The following CSMD1 variants were observed in gnomAD, a reference collection of about 807,000 sequenced individuals.
CSMD1 encodes CUB and Sushi multiple domains 1.
In CSMD1, 213 loss-of-function variants were observed where a neutral mutation model predicts 417.5. That is an observed-to-expected ratio of 0.51 (90% CI 0.46 to 0.57). The LOEUF is 0.57. Ranked by LOEUF, CSMD1 falls within the 20% of genes least tolerant of loss-of-function variation. The pLI, the probability that CSMD1 is intolerant of heterozygous loss-of-function variation, is 0.00. For missense variants in CSMD1, 6,923 were observed against 4,529.7 expected (o/e 1.53, Z -15.17); for synonymous variants, 2,862 against 1,736.8 (o/e 1.65, Z -16.11).
At chr8:4,835,231 T>A (rs1347181062) in intron 1 of CSMD1, among the ~76,000 whole-genome samples, 1 of 151,976 alleles carries the variant, frequency 6.6e-6, no homozygotes, top group African/African-American at 2.4e-5. Flanking sequence ...AGATAAATGA[T>A]TGAATTGCAA....
intron 1 of CSMD1, among the ~76,000 whole-genome samples, chr8:4,934,685 T>C (rs1470491539): frequency 6.6e-6 from 1 of 152,214 alleles, no homozygotes; most frequent in Non-Finnish European, 1.5e-5. Context: ...ATGATCCATC[T>C]ACTTATAATC....
chr8:4,332,210 T>C (rs1585249293), intron 3 of CSMD1, among the ~76,000 whole-genome samples: 1 of 152,014 alleles, frequency 6.6e-6, no homozygotes, highest in African/African-American at 2.4e-5. Context: ...AGCAAACAGG[T>C]GCGGATCCCT....
intron 1 of CSMD1, among the ~76,000 whole-genome samples, chr8:4,867,801 C>G (rs1802505520): frequency 6.6e-6 from 1 of 152,042 alleles, no homozygotes; most frequent in Non-Finnish European, 1.5e-5. Flanking sequence ...CTAATAAATA[C>G]ATTCATTTTA....
intron 3 of CSMD1, among the ~76,000 whole-genome samples, chr8:4,171,551 C>T (rs1321565225): frequency 6.6e-6 from 1 of 151,758 alleles, no homozygotes; most frequent in Non-Finnish European, 1.5e-5. Context: ...TGTACAATAA[C>T]TACTGGATAT....
intron 5 of CSMD1, among the ~76,000 whole-genome samples, chr8:3,838,764 G>T (rs1193118182): frequency 2.8e-5 from 2 of 72,670 alleles, no homozygotes; most frequent in African/African-American, 1.2e-4. Flanking sequence ...ATATTATATA[G>T]TATAATATAT....
chr8:3,463,284 C>G (rs1417613872), intron 12 of CSMD1, among the ~76,000 whole-genome samples: 2 of 152,144 alleles, frequency 1.3e-5, no homozygotes, highest in Admixed American at 1.3e-4. Flanking sequence ...CACAAGTCAC[C>G]AACTCAGGCT....
intron 5 of CSMD1, among the ~76,000 whole-genome samples, chr8:3,997,624 T>C (rs891814248): frequency 1.8e-4 from 28 of 152,220 alleles, no homozygotes; most frequent in African/African-American, 6.0e-4. Flanking sequence ...CTAACTCACC[T>C]TACTTGGTTG....
In CSMD1 at chr8:4,145,810, T is replaced by C. The variant is rs563555477; in HGVS notation, c.416-113711A>G. Among the ~76,000 whole-genome samples the C allele has an allele frequency of 1.7e-4, 26 of 151,260 alleles. 1 individual carries two copies. The highest frequency in any genetic ancestry group is 5.7e-4 in the African/African-American group (23 of 40,568). On this transcript the variant is annotated intron_variant, in intron 3 of 69. Transcript: ENST00000635120. ...ATGAAGAGTTTTTCTGTATGAGGAA[T>C]GCAAGGGTTGGAATGGCTTCCAGGA...
chr8:3,510,748 T>C (rs1265534468), intron 10 of CSMD1, among the ~76,000 whole-genome samples: 1 of 151,886 alleles, frequency 6.6e-6, no homozygotes, highest in Non-Finnish European at 1.5e-5. Flanking sequence ...TTTGCATTTC[T>C]GTAATGACCA....
chr8:3,846,338 T>G (rs1451554040), intron 5 of CSMD1, among the ~76,000 whole-genome samples: 2 of 152,222 alleles, frequency 1.3e-5, no homozygotes, highest in Admixed American at 1.3e-4. Flanking sequence ...CACCTTTATT[T>G]ACATGGTCCA....
chr8:4,784,383 G>A (rs1308344637), intron 1 of CSMD1, among the ~76,000 whole-genome samples: 1 of 152,136 alleles, frequency 6.6e-6, no homozygotes, highest in Non-Finnish European at 1.5e-5. Context: ...GTGCTACCTT[G>A]TAACACAAGC....
intron 15 of CSMD1, among the ~76,000 whole-genome samples, chr8:3,401,036 G>T (rs547413592): frequency 6.6e-6 from 1 of 151,226 alleles, no homozygotes; most frequent in African/African-American, 2.4e-5. Flanking sequence ...ATCACATATC[G>T]ATATACATAA....
intron 61 of CSMD1, among the ~76,000 whole-genome samples, chr8:2,962,130 G>T (rs1338374850): frequency 6.6e-6 from 1 of 152,156 alleles, no homozygotes; most frequent in African/African-American, 2.4e-5. Context: ...TCTCTCTGGG[G>T]AGGGCTGCTT....
At chr8:4,118,484 T>C (rs1041375986) in intron 3 of CSMD1, among the ~76,000 whole-genome samples, 3 of 3,364 alleles carry the variant, frequency 8.9e-4, no homozygotes, top group Non-Finnish European at 0.011. Context: ...AGCAAACATA[T>C]AGAAAAAAGC....
At chr8:4,652,063 G>A (rs1803931475) in intron 1 of CSMD1, among the ~76,000 whole-genome samples, 3 of 152,128 alleles carry the variant, frequency 2.0e-5, no homozygotes, top group African/African-American at 7.2e-5. Flanking sequence ...GAGTCAGGAA[G>A]AACTTGAATT....
chr8:4,664,549 A>G (rs930896076), intron 1 of CSMD1, among the ~76,000 whole-genome samples: 1 of 152,202 alleles, frequency 6.6e-6, no homozygotes, highest in African/African-American at 2.4e-5. Context: ...CAATACAGCA[A>G]GAGCGTGTCT....
chr8:4,839,988 G>A (rs771631503), intron 1 of CSMD1, among the ~76,000 whole-genome samples: 2 of 152,136 alleles, frequency 1.3e-5, no homozygotes, highest in South Asian at 2.1e-4. Flanking sequence ...ATAGGAATGT[G>A]GAACTTACAG....
intron 6 of CSMD1, among the ~76,000 whole-genome samples, chr8:3,731,887 G>A (rs1193382517): frequency 6.6e-6 from 1 of 152,140 alleles, no homozygotes; most frequent in Non-Finnish European, 1.5e-5. Flanking sequence ...AAAGCTTAGA[G>A]CAGTTGAATA....
chr8:3,906,141 T>C (rs569554907), intron 5 of CSMD1, among the ~76,000 whole-genome samples: 1 of 152,326 alleles, frequency 6.6e-6, no homozygotes, highest in Admixed American at 6.5e-5. Flanking sequence ...CCCCACAGTG[T>C]ACCAGGTAAG....
Sources: gnomAD v4.1 joint callset for allele counts (sites outside exome capture counted in the v4.1 genomes callset) on GRCh38, gnomAD v4.1.1 for gene constraint, MANE v1.5 for transcripts, NCBI Gene and HGNC (gene_info 2026-07-23, HGNC 2026-07-21) for gene names.